Variants in SDK2 observed in about 807,000 individuals in gnomAD.
SDK2 encodes the protein protein sidekick-2.
Under a neutral mutation model 253.9 loss-of-function variants are expected in SDK2, and 105 were observed. The ratio of observed to expected loss-of-function variants is 0.41; its 90% confidence interval spans 0.35 to 0.49. SDK2 has a LOEUF of 0.49. SDK2 is among the 20% of genes least tolerant of loss of function. The pLI is 0.06. For missense variants in SDK2, 2,608 were observed against 3,003.0 expected (o/e 0.87, Z 3.07); for synonymous variants, 1,249 against 1,234.9 (o/e 1.01, Z -0.24).
intron 1 of SDK2, among the ~76,000 whole-genome samples, chr17:73,610,729 G>A (rs2045963034): frequency 6.6e-6 from 1 of 152,172 alleles, no homozygotes; most frequent in African/African-American, 2.4e-5. Flanking sequence ...GTGTGCCCAG[G>A]AAGGATGGAG....
At chr17:73,613,056 G>C (rs1332165560) in intron 1 of SDK2, among the ~76,000 whole-genome samples, 1 of 152,210 alleles carries the variant, frequency 6.6e-6, no homozygotes, top group African/African-American at 2.4e-5. Flanking sequence ...TTTTATAGAT[G>C]AACAAACACA....
intron 29 of SDK2, 21 bp downstream of exon 29, chr17:73,390,266 C>T (rs762328775): frequency 7.8e-6 from 12 of 1,540,928 alleles, no homozygotes; most frequent in Non-Finnish European, 7.8e-6. Context: ...CAAGCCTTCC[C>T]TGGCCCCCGT....
At chr17:73,608,335 G>A (rs981692849) in intron 1 of SDK2, among the ~76,000 whole-genome samples, 2 of 152,100 alleles carry the variant, frequency 1.3e-5, no homozygotes, top group Non-Finnish European at 2.9e-5. Context: ...TCATCCCATC[G>A]TGTCAGGGTG....
Position 73,401,217 on chromosome 17 carries a change from G to C in SDK2, c.2780-6C>G. The C allele has an allele frequency of 6.5e-7, 1 of 1,541,972 alleles. No homozygotes were observed. Among genetic ancestry groups the C allele is most frequent in the Non-Finnish European group, 8.8e-7 (1 of 1,140,268 alleles). ...CTCCCAGGAGATCCGGTACCCTGGG[G>C]AGAGCCGCCGTGTTGGCATGAGCTT... On this transcript the variant is annotated splice_region_variant and splice_polypyrimidine_tract_variant and intron_variant, in intron 20 of 44. Transcript: ENST00000392650.
intron 1 of SDK2, among the ~76,000 whole-genome samples, chr17:73,540,271 G>C (rs1352616765): frequency 6.6e-6 from 1 of 152,194 alleles, no homozygotes; most frequent in African/African-American, 2.4e-5. Flanking sequence ...TGGCAATAGA[G>C]TCTATTTCGG....
chr17:73,639,936 T>C lies in SDK2; in HGVS notation c.64+4089A>G, dbSNP rs1182451693. The stretch of plus-strand genomic sequence containing the variant: ...GTCCTAGATGACTTTTCGTGTGTCT[T>C]TCAAGTCAAATGCAATGATTCCCAT... On this transcript the variant is annotated intron_variant, in intron 1 of 44. Coordinates refer to ENST00000392650, the MANE Select transcript of SDK2 (RefSeq NM_001144952.2). The surrounding 1 kb of genome is among the most constrained non-coding windows in gnomAD (Gnocchi z 4.3). 2.0e-5 allele frequency among the ~76,000 whole-genome samples: 3 copies of C among 152,072 alleles called. No individual in the cohort carries two copies. Among genetic ancestry groups the C allele is most frequent in the African/African-American group, 7.2e-5 (3 of 41,384 alleles).
intron 1 of SDK2, among the ~76,000 whole-genome samples, chr17:73,522,726 T>C (rs2064092261): frequency 6.6e-6 from 1 of 152,204 alleles, no homozygotes; most frequent in South Asian, 2.1e-4. Context: ...CGCTCCTCTC[T>C]GGAGGAACCT....
rs139693134 is a variant in SDK2, at chr17:73,552,677, G to C, written c.65-45080C>G. 4.4e-3 allele frequency among the ~76,000 whole-genome samples: 664 copies of C among 152,330 alleles called. 5 individuals are homozygous for C. Among genetic ancestry groups the C allele is most frequent in the African/African-American group, 0.014 (599 of 41,568 alleles). The stretch of plus-strand genomic sequence containing the variant: ...GTTAAGTCACTTGGCAGGATACGGG[G>C]GAACAGGATTTGAGCCCGGCCAGGC... On this transcript the variant is annotated intron_variant, in intron 1 of 44. Transcript: ENST00000392650.
At position 73,643,251 on chromosome 17, in the gene SDK2, G is replaced by A. The variant is rs929758649; in HGVS notation, c.64+774C>T. ...AGCCACCAGCCCTTCTCCACCGCGA[G>A]GCTGCTCCCGGCAGCCACAGGTCAC... On this transcript the variant is annotated intron_variant, in intron 1 of 44. Transcript: ENST00000392650. The surrounding 1 kb of genome is among the most constrained non-coding windows in gnomAD (Gnocchi z 6.9). 1 of 152,622 alleles carries A rather than the reference G, an allele frequency of 6.6e-6. No homozygotes were observed. Among genetic ancestry groups the A allele is most frequent in the Non-Finnish European group, 1.5e-5 (1 of 68,334 alleles). 9.5% of individuals were successfully genotyped at this position (152,622 alleles called of 1,614,324 possible). A position where few individuals can be genotyped will look rare whatever the true frequency, so the allele number is the denominator to read the frequency against.
At chr17:73,509,834 A>AGGTTGCAG (rs2063964990) in intron 1 of SDK2, among the ~76,000 whole-genome samples, 1 of 136,846 alleles carries the variant, frequency 7.3e-6, no homozygotes, top group Admixed American at 8.0e-5. Context: ...CAGGAGGCGG[A>AGGTTGCAG]GGTTGCAGTG....
intron 8 of SDK2, among the ~76,000 whole-genome samples, chr17:73,437,311 G>C (rs181424882): frequency 1.4e-4 from 21 of 152,280 alleles, no homozygotes; most frequent in Admixed American, 1.1e-3. Flanking sequence ...GGGGGGTTAA[G>C]TAGGAATAGC....
chr17:73,473,049 T>A (rs2063663343), intron 2 of SDK2, among the ~76,000 whole-genome samples: 1 of 152,304 alleles, frequency 6.6e-6, no homozygotes, highest in East Asian at 1.9e-4. Flanking sequence ...GAAAACGGAC[T>A]AATAATACAG....
chr17:73,505,769 C>T (rs1483630810), intron 2 of SDK2, among the ~76,000 whole-genome samples: 3 of 152,220 alleles, frequency 2.0e-5, no homozygotes, highest in East Asian at 1.9e-4. Flanking sequence ...ACCTCATCAT[C>T]GTCAATAGCT....
Position 73,457,265 on chromosome 17 carries a change from T to TCC in SDK2, c.332-1214_332-1213dup, listed in dbSNP as rs2063533261. Among the ~76,000 whole-genome samples, 16 of 54,078 alleles carry TCC rather than the reference T, an allele frequency of 3.0e-4. No homozygotes were observed. In the South Asian group the frequency reaches 4.1e-3, roughly 14 times the overall value. The allele number at this position is 54,078 out of a possible 152,430, so 35.5% of individuals were successfully genotyped here. A position where few individuals can be genotyped will look rare whatever the true frequency, so the allele number is the denominator to read the frequency against. ...TTCCTTCCTTCCTTCCTTCCTTCCTTCCTTCCTTCCTTCCTTCCTTCCCCC... is the reference window on the plus strand; with the variant it reads ...TTCCTTCCTTCCTTCCTTCCTTCCTTCCCCTTCCTTCCTTCCTTCCTTCCCCC... On this transcript the variant is annotated intron_variant, in intron 3 of 44. Coordinates refer to ENST00000392650, the MANE Select transcript of SDK2 (RefSeq NM_001144952.2).
rs763921480 is a variant in SDK2, at chr17:73,566,317, A to ATGTGTGTGTGTGTGTGTG, written c.65-58721_65-58720insCACACACACACACACACA. Among the ~76,000 whole-genome samples the ATGTGTGTGTGTGTGTGTG allele has an allele frequency of 2.7e-3, 383 of 143,978 alleles. 2 individuals carry two copies. The highest frequency in any genetic ancestry group is 7.1e-3 in the African/African-American group (264 of 37,402). 94.5% of individuals were successfully genotyped at this position (143,978 alleles called of 152,430 possible). Reference sequence around the variant, plus strand: ...TAAGCCAAATAAAATTCTTATATATATATGTGTGTGTGTGTGTGTGTGTGT... The same window carrying ATGTGTGTGTGTGTGTGTG: ...TAAGCCAAATAAAATTCTTATATATATGTGTGTGTGTGTGTGTGTATGTGTGTGTGTGTGTGTGTGTGT... On this transcript the variant is annotated intron_variant, in intron 1 of 44. Transcript: ENST00000392650.
rs192137205 is a variant in SDK2 at position 73,550,266 on chromosome 17, C to A, written c.65-42669G>T. Reference sequence around the variant, plus strand: ...CAAGGTAGGAGCCTCTGGTTCTCCCCGGCCTCCTAGCGACTCTGCTCTAGG... The same window carrying A: ...CAAGGTAGGAGCCTCTGGTTCTCCCAGGCCTCCTAGCGACTCTGCTCTAGG... On this transcript the variant is annotated intron_variant, in intron 1 of 44. Transcript: ENST00000392650. 3.2e-3 allele frequency among the ~76,000 whole-genome samples: 481 copies of A among 152,176 alleles called. 4 individuals carry two copies. The highest frequency in any genetic ancestry group is 0.011 in the African/African-American group (470 of 41,506).
chr17:73,404,521 C>T (rs999822693), intron 18 of SDK2, among the ~76,000 whole-genome samples: 2 of 152,066 alleles, frequency 1.3e-5, no homozygotes, highest in African/African-American at 2.4e-5. Flanking sequence ...AAATCATTGT[C>T]CTATGCTATT....
At chr17:73,357,090 C>T (rs4969110) in intron 40 of SDK2, among the ~76,000 whole-genome samples, 57,201 of 152,124 alleles carry the variant, frequency 0.38, 11,948 homozygotes, top group East Asian at 0.67. Flanking sequence ...CATGCATCCT[C>T]CGGCCACACA....
chr17:73,542,598 A>G (rs963542216), intron 1 of SDK2, among the ~76,000 whole-genome samples: 2 of 152,126 alleles, frequency 1.3e-5, no homozygotes, highest in African/African-American at 4.8e-5. Flanking sequence ...CGTCCCCTCA[A>G]CGAGGAGGGG....
Sources: allele counts gnomAD v4.1 joint callset (sites outside exome capture counted in the v4.1 genomes callset), GRCh38; gene constraint gnomAD v4.1.1; non-coding constraint Gnocchi (gnomAD v3.1); transcripts MANE v1.5; gene names NCBI Gene and HGNC (gene_info 2026-07-23, HGNC 2026-07-21).